The following YIPF4 variants were observed in gnomAD, a reference collection of about 807,000 sequenced individuals.
The protein encoded by YIPF4 is protein YIPF4.
YIPF4 carries 18 observed loss-of-function variants against 29.4 expected under a neutral mutation model. The observed-to-expected ratio is 0.61, with a 90% CI of 0.42 to 0.91. The LOEUF (loss-of-function observed/expected upper bound fraction) is 0.91. Among genes scored for constraint, YIPF4 ranks in the 40% least tolerant of loss-of-function variants. The probability of loss-of-function intolerance (pLI) is 0.00; values close to 1 mark genes in which losing one functional copy is unlikely to be tolerated. For missense variants in YIPF4, 279 were observed against 282.7 expected (o/e 0.99, Z 0.09); for synonymous variants, 115 against 104.7 (o/e 1.10, Z -0.60).
chr2:32,289,444 G>A (rs2030820876), intron 1 of YIPF4, among the ~76,000 whole-genome samples: 1 of 152,182 alleles, frequency 6.6e-6, no homozygotes, highest in Non-Finnish European at 1.5e-5. Context: ...TTTGGTATTG[G>A]TTGGACATGA....
At chr2:32,299,945 C>T (rs1275607497) in intron 4 of YIPF4, among the ~76,000 whole-genome samples, 1 of 151,028 alleles carries the variant, frequency 6.6e-6, no homozygotes, top group African/African-American at 2.4e-5. Flanking sequence ...TTAGCCTGGC[C>T]AGTGTGGTGA....
intron 3 of YIPF4, among the ~76,000 whole-genome samples, chr2:32,297,715 T>C (rs1171934039): frequency 2.0e-5 from 3 of 152,138 alleles, no homozygotes; most frequent in Non-Finnish European, 4.4e-5. Flanking sequence ...GTGATAAATG[T>C]GCTTATGTTG....
intron 3 of YIPF4, among the ~76,000 whole-genome samples, chr2:32,297,134 T>C (rs1281758841): frequency 6.6e-6 from 1 of 152,036 alleles, no homozygotes; most frequent in Non-Finnish European, 1.5e-5. Context: ...TTTGTTTTTT[T>C]TTTTCTTGAA....
At chr2:32,301,769 C>T (rs983044257) in intron 5 of YIPF4, among the ~76,000 whole-genome samples, 5 of 152,140 alleles carry the variant, frequency 3.3e-5, no homozygotes, top group East Asian at 1.9e-4. Context: ...TCTGGAGTCT[C>T]GATCTGTCAC....
Position 32,307,297 on chromosome 2 carries a change from A to G in YIPF4, c.*1671A>G, listed in dbSNP as rs1430652501. On this transcript the variant is annotated 3_prime_UTR_variant, in exon 6 of 6. Coordinates refer to ENST00000238831, the MANE Select transcript of YIPF4 (RefSeq NM_032312.4). The stretch of plus-strand genomic sequence containing the variant: ...GTGTTGACCCTGGAATCTTTCACAG[A>G]AAGCTTGGGGGTCAGGACCAGGAGG... 8.1e-6 allele frequency: 3 copies of G among 371,306 alleles called. No individual in the cohort carries two copies. The highest frequency in any genetic ancestry group is 6.7e-5 in the African/African-American group (3 of 44,740). The allele number at this position is 371,306 out of a possible 1,614,324, so 23.0% of individuals were successfully genotyped here.
intron 1 of YIPF4, among the ~76,000 whole-genome samples, chr2:32,280,286 C>T (rs1446501931): frequency 1.3e-5 from 2 of 151,456 alleles, no homozygotes; most frequent in Non-Finnish European, 2.9e-5. Flanking sequence ...AGCCACCACA[C>T]CCAGCTAATT....
intron 1 of YIPF4, among the ~76,000 whole-genome samples, chr2:32,278,875 G>C (rs2030240824): frequency 6.6e-6 from 1 of 152,068 alleles, no homozygotes; most frequent in Non-Finnish European, 1.5e-5. Flanking sequence ...CTGAGGAAGC[G>C]ATTGTGCTGG....
At position 32,280,661 on chromosome 2, in the gene YIPF4, C is replaced by T. The variant is rs796819500; in HGVS notation, c.79+2427C>T. Among the ~76,000 whole-genome samples the T allele has an allele frequency of 7.2e-5, 11 of 152,148 alleles. 1 individual carries two copies. Among genetic ancestry groups the T allele is most frequent in the African/African-American group, 2.6e-4 (11 of 41,520 alleles). ...CCTCCCAAAGTGCTGGGATTACAGG[C>T]GTGAGCCACCGCGCCCGGCCTAATT... On this transcript the variant is annotated intron_variant, in intron 1 of 5. Coordinates refer to ENST00000238831, the MANE Select transcript of YIPF4 (RefSeq NM_032312.4).
At position 32,280,558 on chromosome 2, in the gene YIPF4, A is replaced by G. The variant is rs578110897; in HGVS notation, c.79+2324A>G. On this transcript the variant is annotated intron_variant, in intron 1 of 5. Transcript: ENST00000238831. ...CACGCGCGGCTAATTTTTTTTTTGT[A>G]TTTTTAGTAGAGACGGGGTTTCACT... 5.2e-5 allele frequency among the ~76,000 whole-genome samples: 7 copies of G among 134,816 alleles called. No individual in the cohort carries two copies. In the South Asian group the frequency reaches 1.2e-3, roughly 23 times the overall value. The allele number at this position is 134,816 out of a possible 152,430, so 88.4% of individuals were successfully genotyped here.
At chr2:32,299,336 G>A (rs891473863) in intron 4 of YIPF4, among the ~76,000 whole-genome samples, 1 of 152,158 alleles carries the variant, frequency 6.6e-6, no homozygotes, top group African/African-American at 2.4e-5. Flanking sequence ...TTACATTTTT[G>A]TAAGTAGCTT....
Position 32,307,124 on chromosome 2 carries a change from A to G in YIPF4, c.*1498A>G. The G allele has an allele frequency of 7.7e-7, 1 of 1,299,830 alleles. No homozygotes were observed. Among genetic ancestry groups the G allele is most frequent in the Non-Finnish European group, 1.0e-6 (1 of 987,310 alleles). The allele number at this position is 1,299,830 out of a possible 1,614,324, so 80.5% of individuals were successfully genotyped here. A position where few individuals can be genotyped will look rare whatever the true frequency, so the allele number is the denominator to read the frequency against. Reference sequence around the variant, plus strand: ...AACAGGTGAGAAGCACCAGAGGGACAGGACTTCTAGAAGTTAGAATAATAT... The same window carrying G: ...AACAGGTGAGAAGCACCAGAGGGACGGGACTTCTAGAAGTTAGAATAATAT... On this transcript the variant is annotated 3_prime_UTR_variant, in exon 6 of 6. Coordinates refer to ENST00000238831, the MANE Select transcript of YIPF4 (RefSeq NM_032312.4).
At chr2:32,282,455 C>T (rs932197735) in intron 1 of YIPF4, among the ~76,000 whole-genome samples, 6 of 152,084 alleles carry the variant, frequency 3.9e-5, no homozygotes, top group African/African-American at 1.2e-4. Context: ...GTTTTTGAGA[C>T]GGAGTCTCGC....
At position 32,297,213 on chromosome 2, in the gene YIPF4, C is replaced by G. The variant is rs141822121; in HGVS notation, c.406-1021C>G. Among the ~76,000 whole-genome samples the G allele has an allele frequency of 6.5e-3, 987 of 152,158 alleles. 11 individuals carry two copies. Among genetic ancestry groups the G allele is most frequent in the African/African-American group, 0.023 (936 of 41,518 alleles). Reference sequence around the variant, plus strand: ...AATCTTGGCTCACCGCAACCTCTGCCTCCCAGGTTCAAGCGATTCTCCAGC... The same window carrying G: ...AATCTTGGCTCACCGCAACCTCTGCGTCCCAGGTTCAAGCGATTCTCCAGC... On this transcript the variant is annotated intron_variant, in intron 3 of 5. Transcript: ENST00000238831.
chr2:32,306,943 C>A lies in YIPF4; in HGVS notation c.*1317C>A. The stretch of plus-strand genomic sequence containing the variant: ...CAGGAAATATCCAGCACCTCTGAAG[C>A]AAACCTACAAATGAGTGTGTTATCA... On this transcript the variant is annotated 3_prime_UTR_variant, in exon 6 of 6. Coordinates refer to ENST00000238831, the MANE Select transcript of YIPF4 (RefSeq NM_032312.4). 1 of 377,250 alleles carries A rather than the reference C, an allele frequency of 2.7e-6. No homozygotes were observed. The highest frequency in any genetic ancestry group is 4.8e-6 in the Non-Finnish European group (1 of 209,720). The allele number at this position is 377,250 out of a possible 1,614,324, so 23.4% of individuals were successfully genotyped here.
At position 32,278,173 on chromosome 2, in the gene YIPF4, G is replaced by GC; in HGVS notation, c.23dup (p.Ala9GlyfsTer6). The GC allele has an allele frequency of 6.4e-7, 1 of 1,567,686 alleles. No homozygotes were observed. The highest frequency in any genetic ancestry group is 1.2e-5 in the South Asian group (1 of 85,486). ...GCCGCGAGATGCAGCCTCCGGGCCC[G>GC]CCCCCGGCCTATGCCCCCACTAACG... On this transcript the variant is annotated frameshift_variant, in exon 1 of 6. Transcript: ENST00000238831. LOFTEE classifies it high-confidence loss of function.
chr2:32,278,384 C>T (rs1188976405), intron 1 of YIPF4, 150 bp downstream of exon 1: 2 of 702,642 alleles, frequency 2.8e-6, no homozygotes. Context: ...CCGGGCCTTC[C>T]GAGAGGCCCC....
At chr2:32,278,918 C>T (rs954989051) in intron 1 of YIPF4, among the ~76,000 whole-genome samples, 2 of 152,116 alleles carry the variant, frequency 1.3e-5, no homozygotes, top group African/African-American at 4.8e-5. Context: ...AGAATGTTTC[C>T]CTCCTATTCT....
chr2:32,313,268 A>T lies in YIPF4; in HGVS notation c.*7642A>T, dbSNP rs939159387. ...TTTGTGAGTTTGCTTGGGGAAAAAA[A>T]TTTAAAAATATAAAAAGAAAACCAG... is the stretch of plus-strand genomic sequence containing the variant. On this transcript the variant is annotated 3_prime_UTR_variant, in exon 6 of 6. Transcript: ENST00000238831. 6.6e-6 allele frequency: 1 copy of T among 152,194 alleles called. No individual in the cohort carries two copies. Among genetic ancestry groups the T allele is most frequent in the Non-Finnish European group, 1.5e-5 (1 of 68,034 alleles). 9.4% of individuals were successfully genotyped at this position (152,194 alleles called of 1,614,324 possible). A position where few individuals can be genotyped will look rare whatever the true frequency, so the allele number is the denominator to read the frequency against.
Position 32,311,535 on chromosome 2 carries a change from G to A in YIPF4, c.*5909G>A, listed in dbSNP as rs2031714823. On this transcript the variant is annotated 3_prime_UTR_variant, in exon 6 of 6. Transcript: ENST00000238831. The stretch of plus-strand genomic sequence containing the variant: ...CTTTGAAGATGTTTGGTTTATAGTA[G>A]TCCATGCTATACTAATGCTGTTGCT... 6.6e-6 allele frequency: 1 copy of A among 152,138 alleles called. No homozygotes were observed. Among genetic ancestry groups the A allele is most frequent in the African/African-American group, 2.4e-5 (1 of 41,422 alleles). The allele number at this position is 152,138 out of a possible 1,614,324, so 9.4% of individuals were successfully genotyped here. A position where few individuals can be genotyped will look rare whatever the true frequency, so the allele number is the denominator to read the frequency against.
Sources: gnomAD v4.1 joint callset for allele counts (sites outside exome capture counted in the v4.1 genomes callset) on GRCh38, gnomAD v4.1.1 for gene constraint, MANE v1.5 for transcripts, NCBI Gene and HGNC (gene_info 2026-07-23, HGNC 2026-07-21) for gene names.